Variants in MON2 observed in about 807,000 individuals in gnomAD.
MON2 encodes the protein protein MON2 homolog.
A neutral mutation model predicts 208.6 loss-of-function variants in MON2; 84 were observed. That is an observed-to-expected ratio of 0.40 (90% CI 0.34 to 0.48). The LOEUF (loss-of-function observed/expected upper bound fraction) is 0.48, where lower values mean the gene tolerates loss of function less well. Among genes scored for constraint, MON2 ranks in the 20% least tolerant of loss-of-function variants. MON2 has a pLI of 0.59. For missense variants in MON2, 1,611 were observed against 2,015.4 expected, an observed-to-expected ratio of 0.80 and a Z score of 3.84; for synonymous variants, 660 against 694.0, an observed-to-expected ratio of 0.95 and a Z score of 0.77.
At chr12:62,579,098 A>G (rs1341608299) in intron 31 of MON2, among the ~76,000 whole-genome samples, 1 of 151,724 alleles carries the variant, frequency 6.6e-6, no homozygotes, top group South Asian at 2.1e-4. Flanking sequence ...TTTTAAGTTA[A>G]TTGGGCATGG....
intron 8 of MON2, among the ~76,000 whole-genome samples, chr12:62,515,346 T>A (rs2136142014): frequency 6.6e-6 from 1 of 152,330 alleles, no homozygotes; most frequent in Non-Finnish European, 1.5e-5. Context: ...GAGGACATTA[T>A]GCTGAGTGAA....
At chr12:62,488,709 G>A (rs192705105) in intron 2 of MON2, among the ~76,000 whole-genome samples, 14 of 152,176 alleles carry the variant, frequency 9.2e-5, no homozygotes, top group African/African-American at 2.9e-4. Context: ...GACCTGTTGA[G>A]CCAGGGAGAT....
intron 1 of MON2, among the ~76,000 whole-genome samples, chr12:62,476,535 A>G (rs1000533889): frequency 3.9e-5 from 6 of 151,932 alleles, no homozygotes; most frequent in Non-Finnish European, 5.9e-5. Flanking sequence ...CCCAGGCTCA[A>G]GCGATTCTCT....
intron 30 of MON2, among the ~76,000 whole-genome samples, chr12:62,576,659 G>A (rs1197151018): frequency 6.6e-6 from 1 of 151,858 alleles, no homozygotes; most frequent in Non-Finnish European, 1.5e-5. Flanking sequence ...GTAACCTGCA[G>A]TATTGACCAT....
chr12:62,583,975 C>CAAAAAAAAAAAAAAAAAAA (rs942616967), intron 32 of MON2, among the ~76,000 whole-genome samples: 1 of 119,324 alleles, frequency 8.4e-6, no homozygotes. Flanking sequence ...AAAAAAAAAA[C>CAAAAAAAAAAAAAAAAAAA]AAAAAAAAAA....
chr12:62,546,465 A>C (rs978600403), intron 21 of MON2, among the ~76,000 whole-genome samples: 1 of 152,176 alleles, frequency 6.6e-6, no homozygotes, highest in African/African-American at 2.4e-5. Context: ...TTAGGTAGAA[A>C]AATTCCAAAC....
intron 19 of MON2, among the ~76,000 whole-genome samples, chr12:62,541,662 T>C (rs750938502): frequency 6.6e-6 from 1 of 152,260 alleles, no homozygotes; most frequent in Non-Finnish European, 1.5e-5. Flanking sequence ...AATTCACTTA[T>C]GTCTCATTCC....
At chr12:62,508,153 T>C in intron 7 of MON2, 133 bp from the exon 8 acceptor site, 1 of 682,264 alleles carries the variant, frequency 1.5e-6, no homozygotes, top group South Asian at 2.0e-5. Flanking sequence ...ATAAAACATA[T>C]AAACTTATAG....
chr12:62,491,234 G>A (rs558018467), intron 2 of MON2, among the ~76,000 whole-genome samples: 45 of 152,236 alleles, frequency 3.0e-4, no homozygotes, highest in African/African-American at 1.0e-3. Flanking sequence ...TGCAGAATGG[G>A]TGCCATTGAC....
chr12:62,576,650 T>C (rs2074796630), intron 30 of MON2, among the ~76,000 whole-genome samples: 1 of 152,038 alleles, frequency 6.6e-6, no homozygotes, highest in Non-Finnish European at 1.5e-5. Context: ...GGCTTATTTG[T>C]AACCTGCAGT....
intron 8 of MON2, among the ~76,000 whole-genome samples, chr12:62,516,170 C>T (rs1453819443): frequency 6.6e-6 from 1 of 152,082 alleles, no homozygotes; most frequent in African/African-American, 2.4e-5. Flanking sequence ...TAGCCAGGCA[C>T]AGAAAGACAA....
chr12:62,560,584 G>C lies in MON2; in HGVS notation c.3503G>C (p.Ser1168Thr). 6.2e-7 allele frequency: 1 copy of C among 1,614,028 alleles called. No individual in the cohort carries two copies. The highest frequency in any genetic ancestry group is 8.5e-7 in the Non-Finnish European group (1 of 1,180,002). Residue 1168 changes from serine to threonine, a missense_variant, in exon 26 of 35, where the codon AGC (serine) becomes ACC (threonine). Physicochemically the swap from Ser to Thr is moderately conservative, Grantham distance 58 (BLOSUM62 1). Coordinates refer to ENST00000393630, the MANE Select transcript of MON2 (RefSeq NM_015026.3). ...NNEVSLAALK[S>T]FQEILQIVSP... ...GAAGTATCTCTGGCTGCTCTGAAAA[G>C]CTTCCAGGAAATTTTACAGATTGTG...
chr12:62,515,727 A>T (rs2071650852), intron 8 of MON2, among the ~76,000 whole-genome samples: 1 of 152,020 alleles, frequency 6.6e-6, no homozygotes, highest in Non-Finnish European at 1.5e-5. Context: ...AGGCAGGAGA[A>T]TTGCTTGAAT....
At chr12:62,476,834 T>C (rs1002803376) in intron 1 of MON2, among the ~76,000 whole-genome samples, 12 of 152,164 alleles carry the variant, frequency 7.9e-5, no homozygotes, top group African/African-American at 2.7e-4. Flanking sequence ...TTTATTCTCA[T>C]AGAAGTCGTG....
chr12:62,515,618 C>A (rs1485763848), intron 8 of MON2, among the ~76,000 whole-genome samples: 1 of 151,956 alleles, frequency 6.6e-6, no homozygotes, highest in Non-Finnish European at 1.5e-5. Flanking sequence ...GAGTTTGAGA[C>A]CTTGGCCAAC....
At chr12:62,530,149 C>A (rs1409807090) in intron 11 of MON2, among the ~76,000 whole-genome samples, 1 of 152,110 alleles carries the variant, frequency 6.6e-6, no homozygotes, top group Non-Finnish European at 1.5e-5. Context: ...CAAACCTCCA[C>A]CCTTCCTGGC....
At chr12:62,543,643 C>T (rs1192863131) in intron 20 of MON2, among the ~76,000 whole-genome samples, 3 of 151,878 alleles carry the variant, frequency 2.0e-5, no homozygotes, top group Non-Finnish European at 4.4e-5. Flanking sequence ...AATCTAACTC[C>T]GTCACCCAGG....
At chr12:62,550,289 G>T (rs925108875) in intron 23 of MON2, among the ~76,000 whole-genome samples, 3 of 152,154 alleles carry the variant, frequency 2.0e-5, no homozygotes, top group African/African-American at 7.2e-5. Context: ...CAGCACTTTG[G>T]GAGGCTGAGG....
chr12:62,518,266 G>T (rs971413577), intron 8 of MON2, among the ~76,000 whole-genome samples: 1 of 152,180 alleles, frequency 6.6e-6, no homozygotes, highest in Non-Finnish European at 1.5e-5. Context: ...TTCAACACAT[G>T]AATTTTGGGG....
Sources: allele counts gnomAD v4.1 joint callset (sites outside exome capture counted in the v4.1 genomes callset), GRCh38; gene constraint gnomAD v4.1.1; transcripts MANE v1.5; gene names NCBI Gene and HGNC (gene_info 2026-07-23, HGNC 2026-07-21).